ITGB3BP: variants seen among roughly 807,000 people sequenced by gnomAD.
The protein encoded by ITGB3BP is centromere protein R.
In ITGB3BP, 27 loss-of-function variants were observed where a neutral mutation model predicts 29.1. The ratio of observed to expected loss-of-function variants is 0.93; its 90% CI spans 0.68 to 1.28. ITGB3BP has a LOEUF of 1.28. ITGB3BP is among the 50% of genes most tolerant of loss of function. ITGB3BP has a pLI of 0.00. For missense variants in ITGB3BP, 192 were observed against 200.2 expected (o/e 0.96, Z 0.25); for synonymous variants, 61 against 61.4 (o/e 0.99, Z 0.03).
chr1:63,497,435 T>C (rs367959536), intron 2 of ITGB3BP, among the ~76,000 whole-genome samples: 34 of 152,294 alleles, frequency 2.2e-4, no homozygotes, highest in African/African-American at 7.5e-4. Context: ...GTAGTGATTG[T>C]AGAGTCATAG....
chr1:63,449,071 TGTG>T (rs1478712377), intron 7 of ITGB3BP, among the ~76,000 whole-genome samples: 1 of 152,194 alleles, frequency 6.6e-6, no homozygotes, highest in East Asian at 1.9e-4. Flanking sequence ...GAAAATATAT[TGTG>T]AAGTGCTGCA....
intron 8 of ITGB3BP, among the ~76,000 whole-genome samples, chr1:63,445,321 ATATT>A (rs1404523763): frequency 1.3e-5 from 2 of 152,134 alleles, no homozygotes; most frequent in African/African-American, 4.8e-5. Context: ...TACTCAATAA[ATATT>A]AGCTATTATT....
At chr1:63,457,792 T>A (rs1207819114) in intron 4 of ITGB3BP, 1 of 152,182 alleles carries the variant, frequency 6.6e-6, no homozygotes, top group East Asian at 1.9e-4. Context: ...TACATCCAGG[T>A]ATCCAGTGAC....
chr1:63,493,176 T>C (rs1313724387), intron 2 of ITGB3BP, among the ~76,000 whole-genome samples: 2 of 151,816 alleles, frequency 1.3e-5, no homozygotes. Context: ...TCCCAGCACT[T>C]TGGGAGGCCA....
chr1:63,510,143 T>C (rs1006308952), intron 1 of ITGB3BP: 1 of 624,818 alleles, frequency 1.6e-6, no homozygotes, highest in Admixed American at 2.2e-5. Flanking sequence ...TGAACGGAAA[T>C]CGTGCCATTG....
At chr1:63,495,198 T>A (rs1044421484) in intron 2 of ITGB3BP, among the ~76,000 whole-genome samples, 4 of 152,208 alleles carry the variant, frequency 2.6e-5, no homozygotes, top group Non-Finnish European at 5.9e-5. Flanking sequence ...TGCATATGAA[T>A]TTTGTATATG....
In ITGB3BP at chr1:63,490,227, A is replaced by C; in HGVS notation, c.49-9T>G. ...TTTGAAGGATCAAATGACTGGAAAT[A>C]AATAATAATTAAGGACAGAAATAGC... On this transcript the variant is annotated splice_polypyrimidine_tract_variant and intron_variant, in intron 2 of 8. Coordinates refer to ENST00000271002, the MANE Select transcript of ITGB3BP (RefSeq NM_014288.5). 2.0e-6 allele frequency: 3 copies of C among 1,527,480 alleles called. No individual in the cohort carries two copies. The highest frequency in any genetic ancestry group is 2.7e-6 in the Non-Finnish European group (3 of 1,110,180). 94.6% of individuals were successfully genotyped at this position (1,527,480 alleles called of 1,614,324 possible).
chr1:63,499,079 A>C (rs1478695811), intron 2 of ITGB3BP, among the ~76,000 whole-genome samples: 1 of 152,148 alleles, frequency 6.6e-6, no homozygotes. Flanking sequence ...ATGTAAAGAC[A>C]TAAGAGTTAA....
At chr1:63,464,704 TATAG>T (rs1217321363) in intron 4 of ITGB3BP, among the ~76,000 whole-genome samples, 1 of 152,236 alleles carries the variant, frequency 6.6e-6, no homozygotes, top group East Asian at 1.9e-4. Flanking sequence ...TTACTTTTAA[TATAG>T]ATAAACCTGG....
upstream of ITGB3BP, among the ~76,000 whole-genome samples, chr1:63,526,946 G>A (rs1339191617): frequency 2.0e-5 from 3 of 152,132 alleles, no homozygotes. Flanking sequence ...TGTATTTTTA[G>A]TAGAGACGGG....
rs755924144 is a variant in ITGB3BP at position 63,523,165 on chromosome 1, A to T, written c.-32T>A. 6.2e-7 allele frequency: 1 copy of T among 1,613,878 alleles called. No individual in the cohort carries two copies. Among genetic ancestry groups the T allele is most frequent in the Admixed American group, 1.7e-5 (1 of 60,024 alleles). On this transcript the variant is annotated 5_prime_UTR_variant, in exon 1 of 9. Coordinates refer to ENST00000271002, the MANE Select transcript of ITGB3BP (RefSeq NM_014288.5). ...ATTCGGGAAAGCACCACTGCCGCTG[A>T]ATAAAACGAACCCAGCAACTTCCGA...
Position 63,454,022 on chromosome 1 carries a change from T to C in ITGB3BP, c.428-48A>G. 1.9e-6 allele frequency: 2 copies of C among 1,070,984 alleles called. No individual in the cohort carries two copies. Among genetic ancestry groups the C allele is most frequent in the Non-Finnish European group, 2.8e-6 (2 of 710,892 alleles). The allele number at this position is 1,070,984 out of a possible 1,614,324, so 66.3% of individuals were successfully genotyped here. On this transcript the variant is annotated intron_variant, in intron 6 of 8. Transcript: ENST00000271002. The surrounding 1 kb of genome is among the most constrained non-coding windows in gnomAD (Gnocchi z 4.1). ...GTCAAGAATTAACATAGAATATGGATAATTTCTCAATACTTGCAACAAACA... is the reference window on the plus strand; with the variant it reads ...GTCAAGAATTAACATAGAATATGGACAATTTCTCAATACTTGCAACAAACA...
chr1:63,526,196 G>C (rs961155045), upstream of ITGB3BP, among the ~76,000 whole-genome samples: 1 of 152,154 alleles, frequency 6.6e-6, no homozygotes, highest in Non-Finnish European at 1.5e-5. Flanking sequence ...AGAGAATTGA[G>C]TTGGGGTTTT....
chr1:63,454,379 C>T lies in ITGB3BP; in HGVS notation c.427+1G>A. On this transcript the variant is annotated splice_donor_variant, in intron 6 of 8. Coordinates refer to ENST00000271002, the MANE Select transcript of ITGB3BP (RefSeq NM_014288.5). LOFTEE classifies it high-confidence loss of function. This position sits in a 1 kb window ranked among gnomAD's most constrained non-coding sequence, Gnocchi z 4.1. The stretch of plus-strand genomic sequence containing the variant: ...GTCATTGAAAACTCAAAAATTCTTA[C>T]TTAGTTCTTTGGTTTTCTGCATTTC... The T allele has an allele frequency of 6.6e-7, 1 of 1,509,836 alleles. No individual in the cohort carries two copies. Among genetic ancestry groups the T allele is most frequent in the Non-Finnish European group, 9.1e-7 (1 of 1,093,880 alleles). The allele number at this position is 1,509,836 out of a possible 1,614,324, so 93.5% of individuals were successfully genotyped here.
intron 7 of ITGB3BP, among the ~76,000 whole-genome samples, chr1:63,451,219 A>C (rs1644855537): frequency 6.6e-6 from 1 of 151,712 alleles, no homozygotes; most frequent in South Asian, 2.1e-4. Flanking sequence ...AAACAAAAAA[A>C]CCCACCAAAA....
chr1:63,471,175 A>G (rs1314650319), intron 4 of ITGB3BP, among the ~76,000 whole-genome samples: 1 of 147,656 alleles, frequency 6.8e-6, no homozygotes, highest in East Asian at 2.0e-4. Context: ...CTTTTTATAA[A>G]AAGGACTTTT....
chr1:63,471,118 T>G (rs748881461), intron 4 of ITGB3BP, among the ~76,000 whole-genome samples: 33 of 152,234 alleles, frequency 2.2e-4, no homozygotes, highest in Non-Finnish European at 4.1e-4. Context: ...TGGATTGTCT[T>G]GCAAATCTTT....
chr1:63,453,708 G>A, intron 7 of ITGB3BP: 2 of 382,270 alleles, frequency 5.2e-6, no homozygotes, highest in Non-Finnish European at 9.3e-6. Context: ...TCAATCATCA[G>A]AGAAGTTGAT....
At chr1:63,528,856 CCTT>C (rs1646643887) in intron 2 of ITGB3BP, among the ~76,000 whole-genome samples, 1 of 152,110 alleles carries the variant, frequency 6.6e-6, no homozygotes, top group Non-Finnish European at 1.5e-5. Flanking sequence ...GTTAACCACT[CCTT>C]GATTCTTTGA....
Sources: allele counts gnomAD v4.1 joint callset (sites outside exome capture counted in the v4.1 genomes callset), GRCh38; gene constraint gnomAD v4.1.1; non-coding constraint Gnocchi (gnomAD v3.1); transcripts MANE v1.5; gene names NCBI Gene and HGNC (gene_info 2026-07-23, HGNC 2026-07-21).